The following LHFPL3 variants were observed in gnomAD, a reference collection of about 807,000 sequenced individuals.
LHFPL3 encodes LHFPL tetraspan subfamily member 3, also known as LHFPL tetraspan subfamily member 3 protein.
In LHFPL3, 5 loss-of-function variants were observed where a neutral mutation model predicts 19.3. The observed-to-expected ratio is 0.26, with a 90% CI of 0.14 to 0.54. The LOEUF (loss-of-function observed/expected upper bound fraction) is 0.54. Ranked by LOEUF, LHFPL3 falls within the 20% of genes least tolerant of loss-of-function variation. The pLI is 0.94. For missense variants in LHFPL3, 249 were observed against 307.4 expected (o/e 0.81, Z 1.42); for synonymous variants, 133 against 126.2 (o/e 1.05, Z -0.36).
intron 1 of LHFPL3, among the ~76,000 whole-genome samples, chr7:104,593,041 A>G (rs891824005): frequency 4.7e-4 from 72 of 152,284 alleles, no homozygotes; most frequent in African/African-American, 1.6e-3. Flanking sequence ...TATTTCCTTC[A>G]GTTCTGCTCT....
intron 1 of LHFPL3, among the ~76,000 whole-genome samples, chr7:104,593,927 C>T (rs1265821951): frequency 2.0e-5 from 3 of 152,100 alleles, no homozygotes. Context: ...TTATTTTGAG[C>T]CTATGTGCGT....
At chr7:104,658,019 A>G (rs1399734399) in intron 1 of LHFPL3, among the ~76,000 whole-genome samples, 1 of 151,852 alleles carries the variant, frequency 6.6e-6, no homozygotes, top group Non-Finnish European at 1.5e-5. Flanking sequence ...GACAGAAAAA[A>G]GATAGGGCCA....
intron 1 of LHFPL3, among the ~76,000 whole-genome samples, chr7:104,563,304 T>C (rs1187298408): frequency 6.6e-6 from 1 of 152,274 alleles, no homozygotes; most frequent in African/African-American, 2.4e-5. Context: ...TGCAGTTTGA[T>C]CTCAGACTGC....
intron 1 of LHFPL3, among the ~76,000 whole-genome samples, chr7:104,734,737 C>G (rs1053478120): frequency 3.9e-5 from 6 of 152,228 alleles, no homozygotes; most frequent in African/African-American, 1.4e-4. Flanking sequence ...CATTCTCCAT[C>G]CAGCTTTGTT....
intron 1 of LHFPL3, among the ~76,000 whole-genome samples, chr7:104,630,014 G>A (rs1172980221): frequency 6.6e-6 from 1 of 152,166 alleles, no homozygotes; most frequent in African/African-American, 2.4e-5. Flanking sequence ...GCTGTCCCTA[G>A]TCATTCAGTT....
chr7:104,339,298 C>T (rs914822473), intron 1 of LHFPL3, among the ~76,000 whole-genome samples: 10 of 151,968 alleles, frequency 6.6e-5, no homozygotes, highest in South Asian at 4.2e-4. Flanking sequence ...TATTGAGCAA[C>T]GACCACTTGC....
At chr7:104,817,737 T>C (rs1032129168) in intron 2 of LHFPL3, among the ~76,000 whole-genome samples, 1 of 152,146 alleles carries the variant, frequency 6.6e-6, no homozygotes, top group African/African-American at 2.4e-5. Context: ...ACTTCACTGA[T>C]TCTAATCCCA....
At chr7:104,735,386 CTTTG>C (rs1389194332) in intron 1 of LHFPL3, among the ~76,000 whole-genome samples, 2 of 152,250 alleles carry the variant, frequency 1.3e-5, no homozygotes, top group African/African-American at 4.8e-5. Flanking sequence ...TTCCCAGCCG[CTTTG>C]TTTACCTACT....
In LHFPL3 at chr7:104,329,221, T is replaced by G. The variant is rs769666343; in HGVS notation, c.442T>G (p.Ser148Ala). ...GATATGTGCCTGGATGCAGCTCACCTCCGGTGAGTGCGCGCTCACCTCCGC... is the reference window on the plus strand; with the variant it reads ...GATATGTGCCTGGATGCAGCTCACCGCCGGTGAGTGCGCGCTCACCTCCGC... ...YKICAWMQLT[S>A]AACLVLGCMI... Residue 148 changes from serine to alanine, a missense_variant, in exon 1 of 3, where the codon TCC (serine) becomes GCC (alanine). Transcript: ENST00000424859. 4 of 1,599,968 alleles carry G rather than the reference T, an allele frequency of 2.5e-6. No individual in the cohort carries two copies. The highest frequency in any genetic ancestry group is 1.7e-6 in the Non-Finnish European group (2 of 1,170,190).
chr7:104,493,389 A>G (rs1363513025), intron 1 of LHFPL3, among the ~76,000 whole-genome samples: 1 of 151,660 alleles, frequency 6.6e-6, no homozygotes, highest in Non-Finnish European at 1.5e-5. Context: ...GTCATCTAGT[A>G]TCAGAGTTTC....
intron 1 of LHFPL3, among the ~76,000 whole-genome samples, chr7:104,391,538 G>A (rs1281144481): frequency 1.1e-4 from 17 of 152,094 alleles, no homozygotes; most frequent in South Asian, 2.1e-4. Context: ...TGTTCCATTG[G>A]TCTATATCTC....
At chr7:104,365,399 G>C (rs1174965559) in intron 1 of LHFPL3, among the ~76,000 whole-genome samples, 3 of 151,988 alleles carry the variant, frequency 2.0e-5, no homozygotes, top group Admixed American at 6.6e-5. Context: ...TTCCCTCTAA[G>C]ACAGACTGGA....
chr7:104,869,557 G>A (rs1213390631), intron 2 of LHFPL3, among the ~76,000 whole-genome samples: 2 of 152,022 alleles, frequency 1.3e-5, no homozygotes, highest in African/African-American at 2.4e-5. Flanking sequence ...TCTCACACCA[G>A]TTAGAATGGC....
chr7:104,899,121 ACT>A (rs1285651731), intron 2 of LHFPL3, among the ~76,000 whole-genome samples: 1 of 151,886 alleles, frequency 6.6e-6, no homozygotes, highest in African/African-American at 2.4e-5. Context: ...ATATATATAT[ACT>A]GTCAATATTT....
chr7:104,720,508 A>C (rs1178357461), intron 1 of LHFPL3, among the ~76,000 whole-genome samples: 3 of 152,216 alleles, frequency 2.0e-5, no homozygotes, highest in Non-Finnish European at 2.9e-5. Context: ...AAAACACCAA[A>C]AGCAATGGCA....
At chr7:104,840,047 C>T (rs914546651) in intron 2 of LHFPL3, among the ~76,000 whole-genome samples, 17 of 151,552 alleles carry the variant, frequency 1.1e-4, no homozygotes, top group Admixed American at 1.3e-4. Context: ...CAATTATAAT[C>T]AATAATTATT....
At chr7:104,563,767 T>G (rs1378043418) in intron 1 of LHFPL3, among the ~76,000 whole-genome samples, 1 of 152,234 alleles carries the variant, frequency 6.6e-6, no homozygotes, top group Admixed American at 6.5e-5. Context: ...CTGCCAGCAC[T>G]TTGATCTTAC....
At chr7:104,473,724 C>A (rs1196168461) in intron 1 of LHFPL3, among the ~76,000 whole-genome samples, 4 of 152,182 alleles carry the variant, frequency 2.6e-5, no homozygotes, top group Admixed American at 1.3e-4. Context: ...AGATGAGACA[C>A]TACATAAAGC....
chr7:104,396,945 TG>T (rs1305025785), intron 1 of LHFPL3, among the ~76,000 whole-genome samples: 1 of 152,064 alleles, frequency 6.6e-6, no homozygotes, highest in Non-Finnish European at 1.5e-5. Context: ...ACTCCAGCCT[TG>T]GGCAACAGAG....
Sources: allele counts gnomAD v4.1 joint callset (sites outside exome capture counted in the v4.1 genomes callset), GRCh38; gene constraint gnomAD v4.1.1; transcripts MANE v1.5; gene names NCBI Gene and HGNC (gene_info 2026-07-23, HGNC 2026-07-21).